COL8A1: variants seen among roughly 807,000 people sequenced by gnomAD.
COL8A1 encodes collagen alpha-1(VIII) chain.
COL8A1 carries 21 observed loss-of-function variants against 42.7 expected under a neutral mutation model. The observed-to-expected ratio is 0.49, with a 90% CI of 0.35 to 0.71. The LOEUF is 0.71. Ranked by LOEUF, COL8A1 falls within the 30% of genes least tolerant of loss-of-function variation. The pLI, the probability that COL8A1 is intolerant of heterozygous loss-of-function variation, is 0.01. For missense variants in COL8A1, 788 were observed against 962.4 expected (o/e 0.82, Z 2.40); for synonymous variants, 367 against 369.1 (o/e 0.99, Z 0.06).
rs190531894 is a variant in COL8A1 at position 99,772,129 on chromosome 3, A to G, written c.-3-18551A>G. On this transcript the variant is annotated intron_variant, in intron 2 of 3. Transcript: ENST00000652472. ...AAATAAATAATAGTACATCCAGACA[A>G]TGGAATATTATTGAGTGCTAAAATC... 2.2e-4 allele frequency among the ~76,000 whole-genome samples: 34 copies of G among 152,326 alleles called. No homozygotes were observed. The East Asian group carries it at 6.0e-3, about 27-fold the overall frequency.
At chr3:99,693,142 A>T (rs1576433492) in intron 1 of COL8A1, among the ~76,000 whole-genome samples, 1 of 152,308 alleles carries the variant, frequency 6.6e-6, no homozygotes, top group African/African-American at 2.4e-5. Flanking sequence ...GTGAGCCAGG[A>T]TTGTGCCATG....
intron 2 of COL8A1, among the ~76,000 whole-genome samples, chr3:99,788,629 A>G (rs1331686066): frequency 1.3e-5 from 2 of 152,250 alleles, no homozygotes; most frequent in Non-Finnish European, 2.9e-5. Context: ...TTAGAGCTAG[A>G]AAAGACTTAA....
chr3:99,713,749 G>A (rs140185894), intron 1 of COL8A1, among the ~76,000 whole-genome samples: 57 of 151,542 alleles, frequency 3.8e-4, no homozygotes, highest in Admixed American at 5.9e-4. Flanking sequence ...TTGGCTTACC[G>A]TTTAAGAGTA....
chr3:99,757,757 A>T (rs1183318977), intron 2 of COL8A1, among the ~76,000 whole-genome samples: 1 of 152,200 alleles, frequency 6.6e-6, no homozygotes, highest in African/African-American at 2.4e-5. Context: ...AATGGGATAC[A>T]TCTGTTCCCA....
chr3:99,674,393 T>G (rs1938630708), intron 1 of COL8A1, among the ~76,000 whole-genome samples: 1 of 151,894 alleles, frequency 6.6e-6, no homozygotes, highest in African/African-American at 2.4e-5. Flanking sequence ...CCACCCAACT[T>G]CTGTTCCATT....
At chr3:99,730,491 A>T (rs1940471891) in intron 1 of COL8A1, among the ~76,000 whole-genome samples, 1 of 152,114 alleles carries the variant, frequency 6.6e-6, no homozygotes. Context: ...AGTTTCCTGC[A>T]CCCCAGAGTG....
rs1380266707 is a variant in COL8A1 at position 99,657,851 on chromosome 3, CG to C, written c.-129+19190del. ...CCCTGTTTAAAACCTTTCAGAGGAC[CG>C]GGCACGGTGGCTCACACCTGTAATC... On this transcript the variant is annotated intron_variant, in intron 1 of 3. Coordinates refer to ENST00000652472, the MANE Select transcript of COL8A1 (RefSeq NM_020351.4). Among the ~76,000 whole-genome samples the C allele has an allele frequency of 3.9e-5, 6 of 152,200 alleles. 1 individual carries two copies. Among genetic ancestry groups the C allele is most frequent in the Admixed American group, 2.6e-4 (4 of 15,294 alleles).
Position 99,794,811 on chromosome 3 carries a change from C to A in COL8A1, c.910C>A (p.Pro304Thr). 1 of 1,611,652 alleles carries A rather than the reference C, an allele frequency of 6.2e-7. No individual in the cohort carries two copies. The highest frequency in any genetic ancestry group is 8.5e-7 in the Non-Finnish European group (1 of 1,178,864). Reference sequence around the variant, plus strand: ...TGGGCCACAAGGCCCTATTGGGGTACCGGGGGTTCAAGGACCTCCTGGGAT... The same window carrying A: ...TGGGCCACAAGGCCCTATTGGGGTAACGGGGGTTCAAGGACCTCCTGGGAT... ...EPGPQGPIGV[P>T]GVQGPPGIPG... The change falls in exon 4 of 4, where the codon CCG becomes ACG. Residue 304 changes from proline (P) to threonine (T), a missense_variant. This residue lies in a region of COL8A1 where 421 missense variants were observed against 553.1 expected (regional missense o/e 0.76). Transcript: ENST00000652472. The surrounding 1 kb of genome is among the most constrained non-coding windows in gnomAD (Gnocchi z 4.3).
chr3:99,677,864 A>C (rs934960137), intron 1 of COL8A1: 1 of 152,178 alleles, frequency 6.6e-6, no homozygotes, highest in Non-Finnish European at 1.5e-5. Context: ...AATTACCCAG[A>C]GTGTGCTGGC....
At chr3:99,753,172 T>G (rs571582865) in intron 2 of COL8A1, among the ~76,000 whole-genome samples, 63 of 152,316 alleles carry the variant, frequency 4.1e-4, no homozygotes, top group African/African-American at 1.4e-3. Flanking sequence ...GGTCAGCAGA[T>G]CTGATGGGGC....
Position 99,665,938 on chromosome 3 carries a change from G to A in COL8A1, c.-129+27274G>A, listed in dbSNP as rs145603677. 3.6e-3 allele frequency among the ~76,000 whole-genome samples: 550 copies of A among 151,114 alleles called. 7 individuals are homozygous for A. The highest frequency in any genetic ancestry group is 0.013 in the African/African-American group (517 of 41,108). ...ACTTCTAACCTCAAGTGATCTGCCC[G>A]CCTCGGACTCCTAAAGTGCTGGGAT... On this transcript the variant is annotated intron_variant, in intron 1 of 3. Transcript: ENST00000652472.
chr3:99,769,287 C>A (rs1290200458), intron 2 of COL8A1, among the ~76,000 whole-genome samples: 1 of 152,226 alleles, frequency 6.6e-6, no homozygotes, highest in Admixed American at 6.5e-5. Flanking sequence ...TATCCTCCAA[C>A]CATTTCCCGA....
chr3:99,789,533 C>G (rs1255365551), intron 2 of COL8A1, among the ~76,000 whole-genome samples: 2 of 152,182 alleles, frequency 1.3e-5, no homozygotes, highest in Non-Finnish European at 2.9e-5. Flanking sequence ...TTGAACAGAC[C>G]TAAGTGTGTA....
At chr3:99,739,408 A>T (rs1245700193) in intron 1 of COL8A1, among the ~76,000 whole-genome samples, 2 of 151,854 alleles carry the variant, frequency 1.3e-5, no homozygotes, top group Non-Finnish European at 2.9e-5. Context: ...GTGTGGGGGG[A>T]CCAACCCCAC....
At chr3:99,700,020 G>A (rs1939489562) in intron 1 of COL8A1, among the ~76,000 whole-genome samples, 2 of 152,184 alleles carry the variant, frequency 1.3e-5, no homozygotes, top group South Asian at 4.1e-4. Context: ...GTGCGCATGA[G>A]TCATCTAGGG....
intron 2 of COL8A1, among the ~76,000 whole-genome samples, chr3:99,767,492 A>C (rs975046022): frequency 6.6e-6 from 1 of 152,208 alleles, no homozygotes; most frequent in African/African-American, 2.4e-5. Flanking sequence ...ATTTTTATTA[A>C]TATTCTTGGT....
Position 99,798,877 on chromosome 3 carries a change from T to C in COL8A1, c.*2741T>C, listed in dbSNP as rs2107462995. Reference sequence around the variant, plus strand: ...TGCACAACATGTTAACATATTAGTGTAAAAGCAGATGAAACAACCACGTGT... The same window carrying C: ...TGCACAACATGTTAACATATTAGTGCAAAAGCAGATGAAACAACCACGTGT... On this transcript the variant is annotated 3_prime_UTR_variant, in exon 4 of 4. Coordinates refer to ENST00000652472, the MANE Select transcript of COL8A1 (RefSeq NM_020351.4). The C allele has an allele frequency of 6.6e-6, 1 of 152,388 alleles. No individual in the cohort carries two copies. Among genetic ancestry groups the C allele is most frequent in the Middle Eastern group, 3.4e-3 (1 of 294 alleles). 9.4% of individuals were successfully genotyped at this position (152,388 alleles called of 1,614,324 possible).
At chr3:99,731,710 G>T (rs989660550) in intron 1 of COL8A1, among the ~76,000 whole-genome samples, 1 of 152,014 alleles carries the variant, frequency 6.6e-6, no homozygotes, top group Non-Finnish European at 1.5e-5. Context: ...CATTTGTTTT[G>T]GTTTTTGTTC....
intron 1 of COL8A1, among the ~76,000 whole-genome samples, chr3:99,651,233 G>A (rs1231269663): frequency 6.6e-6 from 1 of 152,096 alleles, no homozygotes; most frequent in Non-Finnish European, 1.5e-5. Flanking sequence ...GAAAAAGCAT[G>A]GTTTAAATAC....
Sources: gnomAD v4.1 joint callset for allele counts (sites outside exome capture counted in the v4.1 genomes callset) on GRCh38, gnomAD v4.1.1 for gene constraint, gnomAD v4.1.1 regional missense constraint, Gnocchi (gnomAD v3.1) non-coding constraint, MANE v1.5 for transcripts, NCBI Gene and HGNC (gene_info 2026-07-23, HGNC 2026-07-21) for gene names.